Variants in SV2C observed in about 807,000 individuals in gnomAD.
The protein encoded by SV2C is solute carrier family 22 member B3.
In SV2C, 49 loss-of-function variants were observed where a neutral mutation model predicts 79.7. That is an observed-to-expected ratio of 0.61 (90% CI 0.49 to 0.78). The LOEUF (loss-of-function observed/expected upper bound fraction) is 0.78. Among genes scored for constraint, SV2C ranks in the 30% least tolerant of loss-of-function variants. SV2C has a pLI of 0.00. For synonymous variants in SV2C, 334 were observed against 333.2 expected (o/e 1.00, Z -0.03); for missense variants, 833 against 912.9 (o/e 0.91, Z 1.13).
chr5:76,271,759 G>A (rs1006135654), intron 4 of SV2C, among the ~76,000 whole-genome samples: 4 of 151,792 alleles, frequency 2.6e-5, no homozygotes, highest in African/African-American at 4.8e-5. Context: ...GAGCCATCGC[G>A]CCCGGCGTAT....
chr5:76,121,315 G>A (rs1242033153), intron 1 of SV2C, among the ~76,000 whole-genome samples: 2 of 152,070 alleles, frequency 1.3e-5, no homozygotes, highest in African/African-American at 4.8e-5. Flanking sequence ...CCATCCCATA[G>A]GTTGCCTGTT....
chr5:76,291,670 A>C (rs1348026704), intron 7 of SV2C, 98 bp from the exon 8 acceptor site: 3 of 806,528 alleles, frequency 3.7e-6, no homozygotes, highest in East Asian at 5.5e-5. Flanking sequence ...ATCCAACCCA[A>C]TGACAACTCA....
the SV2C span, among the ~76,000 whole-genome samples, chr5:75,955,047 T>G: frequency 2.9e-4 from 42 of 143,882 alleles, no homozygotes; most frequent in Middle Eastern, 3.6e-3. Context: ...AAAACTACTT[T>G]AAAGTTCATA....
chr5:75,986,064 A>G, the SV2C span, among the ~76,000 whole-genome samples: 7 of 148,962 alleles, frequency 4.7e-5, no homozygotes, highest in Non-Finnish European at 1.0e-4. Flanking sequence ...GAAATAACTA[A>G]TATTTTACAT....
chr5:76,081,615 C>T (rs559191153), upstream of SV2C, among the ~76,000 whole-genome samples: 48 of 152,240 alleles, frequency 3.2e-4, no homozygotes, highest in Non-Finnish European at 2.9e-5. Context: ...TTTCATATTG[C>T]CTGACCATCT....
chr5:75,999,945 C>T, the SV2C span, among the ~76,000 whole-genome samples: 1 of 152,028 alleles, frequency 6.6e-6, no homozygotes, highest in African/African-American at 2.4e-5. Context: ...AGGATGGATC[C>T]CTCATGGGCT....
the SV2C span, among the ~76,000 whole-genome samples, chr5:75,893,789 C>A: frequency 6.6e-6 from 1 of 151,864 alleles, no homozygotes; most frequent in Non-Finnish European, 1.5e-5. Context: ...TTTGAGCCAC[C>A]AAATGTACTT....
chr5:76,252,333 C>G (rs1746139328), intron 4 of SV2C, among the ~76,000 whole-genome samples: 1 of 152,148 alleles, frequency 6.6e-6, no homozygotes, highest in Non-Finnish European at 1.5e-5. Flanking sequence ...GTTGGCCAGG[C>G]TGGTCTCAAA....
chr5:75,861,137 CAAAT>C, the SV2C span, among the ~76,000 whole-genome samples: 1 of 152,008 alleles, frequency 6.6e-6, no homozygotes, highest in Non-Finnish European at 1.5e-5. Flanking sequence ...CAAGCAAAAA[CAAAT>C]AACCCCATTA....
the SV2C span, among the ~76,000 whole-genome samples, chr5:75,923,062 A>T: frequency 2.0e-5 from 3 of 152,236 alleles, no homozygotes; most frequent in East Asian, 5.8e-4. Context: ...ACTGGCATAA[A>T]AATAGGCATG....
chr5:75,915,710 T>A, the SV2C span, among the ~76,000 whole-genome samples: 2 of 152,172 alleles, frequency 1.3e-5, no homozygotes, highest in African/African-American at 2.4e-5. Flanking sequence ...GTTCACTTGA[T>A]GATAAACCAT....
At chr5:76,006,150 T>C in the SV2C span, among the ~76,000 whole-genome samples, 3 of 152,198 alleles carry the variant, frequency 2.0e-5, no homozygotes, top group Non-Finnish European at 2.9e-5. Context: ...GTAACACTTC[T>C]TGGTTACAGA....
intron 2 of SV2C, among the ~76,000 whole-genome samples, chr5:76,166,860 A>G (rs1182487444): frequency 1.3e-5 from 2 of 152,210 alleles, no homozygotes; most frequent in Non-Finnish European, 2.9e-5. Flanking sequence ...TGTGTTCAGG[A>G]TCAAGTTTGC....
intron 2 of SV2C, among the ~76,000 whole-genome samples, chr5:76,143,978 T>C (rs1041425182): frequency 6.6e-6 from 1 of 151,434 alleles, no homozygotes; most frequent in African/African-American, 2.4e-5. Context: ...TAGAGGCACA[T>C]GCCATTACCA....
chr5:76,027,110 G>A, the SV2C span, among the ~76,000 whole-genome samples: 4 of 137,276 alleles, frequency 2.9e-5, no homozygotes, highest in African/African-American at 1.1e-4. Context: ...TGCCTAGGCT[G>A]GAGTGCAATG....
chr5:75,995,796 C>T, the SV2C span, among the ~76,000 whole-genome samples: 250 of 152,190 alleles, frequency 1.6e-3, no homozygotes, highest in Non-Finnish European at 2.4e-3. Context: ...ACTTCCAAAT[C>T]CCCATAGAAT....
chr5:75,919,855 T>C, the SV2C span, among the ~76,000 whole-genome samples: 1 of 152,346 alleles, frequency 6.6e-6, no homozygotes, highest in Admixed American at 6.5e-5. Flanking sequence ...TGGTATAATT[T>C]ACTCTCTGCC....
At chr5:76,123,896 A>G (rs950986555) in intron 1 of SV2C, among the ~76,000 whole-genome samples, 2 of 152,204 alleles carry the variant, frequency 1.3e-5, no homozygotes, top group African/African-American at 2.4e-5. Flanking sequence ...CCAAATAGTT[A>G]GAGACAATAG....
At chr5:76,170,742 CCA>C (rs1208319393) in intron 2 of SV2C, among the ~76,000 whole-genome samples, 1 of 149,584 alleles carries the variant, frequency 6.7e-6, no homozygotes, top group Non-Finnish European at 1.5e-5. Context: ...ATCACTGTCT[CCA>C]CAGGTTTTTT....
Sources: allele counts gnomAD v4.1 joint callset (sites outside exome capture counted in the v4.1 genomes callset), GRCh38; gene constraint gnomAD v4.1.1; transcripts MANE v1.5; gene names NCBI Gene and HGNC (gene_info 2026-07-23, HGNC 2026-07-21).